The following THEMIS variants were observed in gnomAD, a reference collection of about 807,000 sequenced individuals.
The protein encoded by THEMIS is protein THEMIS.
THEMIS carries 37 observed loss-of-function variants against 52.6 expected under a neutral mutation model. The ratio of observed to expected loss-of-function variants is 0.70; its 90% CI spans 0.54 to 0.93. The LOEUF (loss-of-function observed/expected upper bound fraction) is 0.93. THEMIS is among the 40% of genes least tolerant of loss of function. The pLI is 0.00. For missense variants in THEMIS, 808 were observed against 763.1 expected, an observed-to-expected ratio of 1.06 and a Z score of -0.69; for synonymous variants, 292 against 272.7, an observed-to-expected ratio of 1.07 and a Z score of -0.70.
At position 127,855,089 on chromosome 6, in the gene THEMIS, C is replaced by T. The variant is rs1383675588; in HGVS notation, c.191G>A (p.Cys64Tyr). ...AGACTCACAACCTTCAATCTGCTCA[C>T]AAATTTCAGCTATGATCTTCTTAAC... is the stretch of plus-strand genomic sequence containing the variant. The part of the protein sequence containing the change: ...LKVKKIIAEI[C>Y]EQIEGCESLQ... Residue 64 changes from cysteine (C) to tyrosine (Y), a missense_variant, in exon 2 of 6, where the codon TGT (cysteine) becomes TAT (tyrosine). By Grantham distance (194) the Cys-to-Tyr change is radical (BLOSUM62 -2). Transcript: ENST00000368248. The T allele has an allele frequency of 1.9e-6, 3 of 1,611,246 alleles. No individual in the cohort carries two copies. The highest frequency in any genetic ancestry group is 2.5e-6 in the Non-Finnish European group (3 of 1,178,538).
chr6:127,894,948 GTATA>G (rs1017404102), intron 1 of THEMIS, among the ~76,000 whole-genome samples: 13 of 148,476 alleles, frequency 8.8e-5, no homozygotes, highest in African/African-American at 3.2e-4. Flanking sequence ...ATTTCAAAAA[GTATA>G]TACTTTTTGA....
upstream of THEMIS, among the ~76,000 whole-genome samples, chr6:127,903,304 G>A (rs1781190986): frequency 6.6e-6 from 1 of 151,960 alleles, no homozygotes; most frequent in Admixed American, 6.6e-5. Context: ...ACAAAGAAGA[G>A]CAATGAGTTC....
At chr6:127,849,780 C>T (rs1263272347) in intron 2 of THEMIS, among the ~76,000 whole-genome samples, 2 of 151,850 alleles carry the variant, frequency 1.3e-5, no homozygotes, top group African/African-American at 2.4e-5. Flanking sequence ...AGACCTGAAA[C>T]CATAAAGTTT....
At chr6:127,731,542 C>A (rs59617621) in intron 4 of THEMIS, among the ~76,000 whole-genome samples, 1 of 148,916 alleles carries the variant, frequency 6.7e-6, no homozygotes, top group South Asian at 2.1e-4. Flanking sequence ...ATATTGAAAT[C>A]TTCGGCATTT....
intron 4 of THEMIS, among the ~76,000 whole-genome samples, chr6:127,778,944 T>C (rs892881143): frequency 2.6e-5 from 4 of 152,046 alleles, no homozygotes; most frequent in Non-Finnish European, 5.9e-5. Flanking sequence ...TTTATTATAC[T>C]GCACAGAAGC....
intron 2 of THEMIS, among the ~76,000 whole-genome samples, chr6:127,846,205 A>C (rs913537713): frequency 2.6e-5 from 4 of 152,016 alleles, no homozygotes; most frequent in Non-Finnish European, 5.9e-5. Context: ...AAAATTCACT[A>C]AACAAACAAC....
intron 4 of THEMIS, among the ~76,000 whole-genome samples, chr6:127,807,923 T>G (rs1432010727): frequency 6.6e-6 from 1 of 152,238 alleles, no homozygotes; most frequent in Admixed American, 6.5e-5. Context: ...TGAAGTGTTC[T>G]CTGTGCACTC....
upstream of THEMIS, chr6:127,901,094 G>A: frequency 1.6e-6 from 1 of 609,248 alleles, no homozygotes; most frequent in Non-Finnish European, 2.9e-6. Flanking sequence ...ATGTGGGGAG[G>A]ACAATGAAGA....
At chr6:127,729,146 CTCTCT>C (rs1774659628) in intron 4 of THEMIS, among the ~76,000 whole-genome samples, 1 of 6,764 alleles carries the variant, frequency 1.5e-4, no homozygotes, top group African/African-American at 8.2e-4. Flanking sequence ...TTTATTCTCT[CTCTCT>C]CTCTCTCTCT....
chr6:127,793,839 T>G (rs1282007787), intron 4 of THEMIS, among the ~76,000 whole-genome samples: 3 of 152,194 alleles, frequency 2.0e-5, no homozygotes, highest in Non-Finnish European at 4.4e-5. Context: ...GCAAGGACAC[T>G]AAGATTATCC....
intron 4 of THEMIS, among the ~76,000 whole-genome samples, chr6:127,723,715 T>C (rs1774443169): frequency 6.6e-6 from 1 of 151,952 alleles, no homozygotes; most frequent in Admixed American, 6.6e-5. Flanking sequence ...TAGTAAAATT[T>C]CCCCCTTAAT....
intron 5 of THEMIS, among the ~76,000 whole-genome samples, chr6:127,715,015 C>T (rs1774109821): frequency 6.6e-6 from 1 of 151,866 alleles, no homozygotes; most frequent in Admixed American, 6.6e-5. Context: ...GCTCACACAA[C>T]TTCCTAATAG....
chr6:127,765,862 C>T (rs1424176613), intron 4 of THEMIS, among the ~76,000 whole-genome samples: 1 of 151,978 alleles, frequency 6.6e-6, no homozygotes, highest in Non-Finnish European at 1.5e-5. Flanking sequence ...AATGAAATTG[C>T]CTAATGATGC....
At chr6:127,815,307 T>C (rs1477793651) in intron 3 of THEMIS, among the ~76,000 whole-genome samples, 2 of 152,144 alleles carry the variant, frequency 1.3e-5, no homozygotes, top group South Asian at 2.1e-4. Context: ...CCTTCCGTCA[T>C]TTTTTTCTTC....
chr6:127,751,714 A>G (rs1449653945), intron 4 of THEMIS, among the ~76,000 whole-genome samples: 2 of 151,730 alleles, frequency 1.3e-5, no homozygotes, highest in Non-Finnish European at 3.0e-5. Flanking sequence ...AAAAGAACAG[A>G]ACTGAAGGGA....
In THEMIS at chr6:127,743,391, C is replaced by A. The variant is rs551340362; in HGVS notation, c.1759-23568G>T. Among the ~76,000 whole-genome samples the A allele has an allele frequency of 2.6e-5, 4 of 152,148 alleles. No homozygotes were observed. The South Asian group carries it at 8.3e-4, about 32-fold the overall frequency. ...AGTCTGCTTGACATTCAGAAATTTA[C>A]AGATGTGAATGAAATGAAGGGAGAA... On this transcript the variant is annotated intron_variant, in intron 4 of 5. Coordinates refer to ENST00000368248, the MANE Select transcript of THEMIS (RefSeq NM_001010923.3).
At chr6:127,745,514 T>A (rs75374209) in intron 4 of THEMIS, among the ~76,000 whole-genome samples, 1,752 of 151,950 alleles carry the variant, frequency 0.012, 8 homozygotes, top group Middle Eastern at 0.034. Flanking sequence ...TACTACGATA[T>A]CAAACTACAA....
chr6:127,711,064 C>CT (rs973754468), intron 5 of THEMIS, among the ~76,000 whole-genome samples: 3 of 145,784 alleles, frequency 2.1e-5, no homozygotes, highest in Non-Finnish European at 4.5e-5. Flanking sequence ...TCACTTTCTT[C>CT]TTTTTTTTCT....
intron 4 of THEMIS, among the ~76,000 whole-genome samples, chr6:127,752,696 C>T (rs1179490632): frequency 6.6e-6 from 1 of 151,622 alleles, no homozygotes; most frequent in East Asian, 1.9e-4. Context: ...AACCTCTCAA[C>T]AAAGAAATGT....
Sources: allele counts gnomAD v4.1 joint callset (sites outside exome capture counted in the v4.1 genomes callset), GRCh38; gene constraint gnomAD v4.1.1; transcripts MANE v1.5; gene names NCBI Gene and HGNC (gene_info 2026-07-23, HGNC 2026-07-21).